FOXO1: variants seen among roughly 807,000 people sequenced by gnomAD.
FOXO1 encodes the protein forkhead box protein O1.
A neutral mutation model predicts 44.1 loss-of-function variants in FOXO1; 6 were observed. The observed-to-expected ratio is 0.14, with a 90% CI of 0.07 to 0.27. The LOEUF (loss-of-function observed/expected upper bound fraction) is 0.27, where lower values mean the gene tolerates loss of function less well. FOXO1 is among the 10% of genes least tolerant of loss of function. The probability of loss-of-function intolerance (pLI) is 1.00; values close to 1 mark genes in which losing one functional copy is unlikely to be tolerated. For missense variants in FOXO1, 737 were observed against 888.8 expected, an observed-to-expected ratio of 0.83 and a Z score of 2.17; for synonymous variants, 380 against 362.7, an observed-to-expected ratio of 1.05 and a Z score of -0.54.
chr13:40,579,032 C>T (rs555386511), intron 1 of FOXO1, among the ~76,000 whole-genome samples: 6 of 152,328 alleles, frequency 3.9e-5, no homozygotes, highest in Admixed American at 3.9e-4. Flanking sequence ...TGACTGGACA[C>T]ATTTTTACAT....
At chr13:40,625,177 C>T (rs1260395845) in intron 1 of FOXO1, among the ~76,000 whole-genome samples, 1 of 151,990 alleles carries the variant, frequency 6.6e-6, no homozygotes, top group Non-Finnish European at 1.5e-5. Context: ...CTGGATTCAA[C>T]GTGGGGAAAA....
In FOXO1 at chr13:40,654,577, G is replaced by T. The variant is rs141293088; in HGVS notation, c.630+11006C>A. On this transcript the variant is annotated intron_variant, in intron 1 of 2. Coordinates refer to ENST00000379561, the MANE Select transcript of FOXO1 (RefSeq NM_002015.4). ...AAAATACATCAACGCAGAAAAAAAA[G>T]ATTTTCTTTTTAGGTCTCGAAGATC... Among the ~76,000 whole-genome samples, 35 of 151,724 alleles carry T rather than the reference G, an allele frequency of 2.3e-4. No individual in the cohort carries two copies. The South Asian group carries it at 5.6e-3, about 24-fold the overall frequency.
chr13:40,617,442 A>C (rs1876466430), intron 1 of FOXO1, among the ~76,000 whole-genome samples: 1 of 152,172 alleles, frequency 6.6e-6, no homozygotes. Context: ...TCTCAAAAAA[A>C]AAAAAAAGAA....
chr13:40,610,102 T>C (rs150442655), intron 1 of FOXO1, among the ~76,000 whole-genome samples: 4 of 152,290 alleles, frequency 2.6e-5, no homozygotes, highest in Admixed American at 6.5e-5. Context: ...TTTAATATTA[T>C]GTACCCTGCG....
chr13:40,588,806 TAA>T (rs74607847), intron 1 of FOXO1, among the ~76,000 whole-genome samples: 25,647 of 152,130 alleles, frequency 0.17, 2,510 homozygotes, highest in South Asian at 0.29. Flanking sequence ...ACAAGTGATT[TAA>T]AAGTGTCACT....
intron 1 of FOXO1, among the ~76,000 whole-genome samples, chr13:40,653,321 CT>C (rs1210907750): frequency 3.9e-5 from 6 of 152,248 alleles, no homozygotes; most frequent in African/African-American, 1.4e-4. Flanking sequence ...CACTCTCACC[CT>C]TGCCACTGCT....
At chr13:40,642,820 G>A (rs942743708) in intron 1 of FOXO1, among the ~76,000 whole-genome samples, 1 of 152,112 alleles carries the variant, frequency 6.6e-6, no homozygotes, top group African/African-American at 2.4e-5. Flanking sequence ...TTCAGAGGCT[G>A]AAGTGGGAGG....
chr13:40,633,960 A>G (rs1351249271), intron 1 of FOXO1, among the ~76,000 whole-genome samples: 1 of 152,204 alleles, frequency 6.6e-6, no homozygotes, highest in African/African-American at 2.4e-5. Context: ...CCAAGCACCC[A>G]GGTTCATCAA....
intron 1 of FOXO1, among the ~76,000 whole-genome samples, chr13:40,610,367 G>C (rs938705896): frequency 2.0e-5 from 3 of 152,194 alleles, no homozygotes; most frequent in African/African-American, 4.8e-5. Context: ...GGGGTGTTTA[G>C]TGTGTGAGGT....
At position 40,557,067 on chromosome 13, in the gene FOXO1, G is replaced by C. The variant is rs1873782167; in HGVS notation, c.*1982C>G. ...ATCACAGTGGGAAGCTTACAATAGA[G>C]CTGGCTTACTGTAGGAAATCTTATC... On this transcript the variant is annotated 3_prime_UTR_variant, in exon 3 of 3. Transcript: ENST00000379561. The C allele has an allele frequency of 6.6e-6, 1 of 152,200 alleles. No individual in the cohort carries two copies. The highest frequency in any genetic ancestry group is 1.5e-5 in the Non-Finnish European group (1 of 68,032). 9.4% of individuals were successfully genotyped at this position (152,200 alleles called of 1,614,324 possible).
intron 1 of FOXO1, among the ~76,000 whole-genome samples, chr13:40,646,555 G>A (rs113581262): frequency 8.2e-4 from 125 of 152,036 alleles, no homozygotes; most frequent in African/African-American, 2.9e-3. Context: ...CCGCTTCATC[G>A]AATTTTGGAC....
At chr13:40,612,830 T>C (rs1876281019) in intron 1 of FOXO1, among the ~76,000 whole-genome samples, 1 of 152,230 alleles carries the variant, frequency 6.6e-6, no homozygotes, top group African/African-American at 2.4e-5. Context: ...TATGTAGGTA[T>C]AGGGAAAAAC....
At chr13:40,584,868 A>C (rs1157500982) in intron 1 of FOXO1, among the ~76,000 whole-genome samples, 1 of 152,200 alleles carries the variant, frequency 6.6e-6, no homozygotes, top group Non-Finnish European at 1.5e-5. Context: ...GCAGCTTGGC[A>C]ATCTATTAAA....
chr13:40,573,293 G>A (rs1874617438), intron 1 of FOXO1, among the ~76,000 whole-genome samples: 3 of 152,170 alleles, frequency 2.0e-5, no homozygotes, highest in South Asian at 2.1e-4. Context: ...GTGCCCACCA[G>A]GACTTTCAGC....
chr13:40,651,713 A>G (rs1489120086), intron 1 of FOXO1, among the ~76,000 whole-genome samples: 1 of 151,124 alleles, frequency 6.6e-6, no homozygotes, highest in Non-Finnish European at 1.5e-5. Context: ...CTAAATATAC[A>G]TCATATTTAT....
In FOXO1 at chr13:40,584,469, C is replaced by CAAAAAAA. The variant is rs55733141; in HGVS notation, c.631-23616_631-23610dup. ...AGAAATTCTATCTCCACAAAAAATG[C>CAAAAAAA]AAAAAAAAAAAAAAAAAAAAAAAAA... On this transcript the variant is annotated intron_variant, in intron 1 of 2. Transcript: ENST00000379561. Among the ~76,000 whole-genome samples the CAAAAAAA allele has an allele frequency of 8.7e-4, 55 of 63,112 alleles. 5 individuals carry two copies. The highest frequency in any genetic ancestry group is 1.1e-3 in the Non-Finnish European group (43 of 37,884). The allele number at this position is 63,112 out of a possible 152,430, so 41.4% of individuals were successfully genotyped here.
intron 1 of FOXO1, among the ~76,000 whole-genome samples, chr13:40,658,361 G>C (rs1877922152): frequency 6.6e-6 from 1 of 152,216 alleles, no homozygotes; most frequent in South Asian, 2.1e-4. Context: ...TGCTCAAGAA[G>C]ACACCAAGGT....
At chr13:40,639,391 G>A (rs1877274509) in intron 1 of FOXO1, among the ~76,000 whole-genome samples, 1 of 151,750 alleles carries the variant, frequency 6.6e-6, no homozygotes, top group Admixed American at 6.6e-5. Context: ...CAGTAGTCCA[G>A]AGCCCTACAC....
intron 1 of FOXO1, among the ~76,000 whole-genome samples, chr13:40,601,774 C>G (rs1875823188): frequency 6.6e-6 from 1 of 152,114 alleles, no homozygotes; most frequent in Non-Finnish European, 1.5e-5. Context: ...ACCTAAGCAT[C>G]TTTGTACTAG....
Sources: gnomAD v4.1 joint callset for allele counts (sites outside exome capture counted in the v4.1 genomes callset) on GRCh38, gnomAD v4.1.1 for gene constraint, MANE v1.5 for transcripts, NCBI Gene and HGNC (gene_info 2026-07-23, HGNC 2026-07-21) for gene names.